The following TBC1D14 variants were observed in gnomAD, a reference collection of about 807,000 sequenced individuals.
TBC1D14 encodes the protein TBC1 domain family, member 14.
TBC1D14 carries 26 observed loss-of-function variants against 79.0 expected under a neutral mutation model. The observed-to-expected ratio is 0.33, with a 90% CI of 0.24 to 0.46. The LOEUF is 0.46. TBC1D14 is among the 20% of genes least tolerant of loss of function. TBC1D14 has a pLI of 1.00. For missense variants in TBC1D14, 769 were observed against 887.6 expected (o/e 0.87, Z 1.70); for synonymous variants, 394 against 349.9 (o/e 1.13, Z -1.40).
upstream of TBC1D14, chr4:6,909,761 GGCGGGCGA>G (rs1345644130): frequency 6.8e-6 from 1 of 148,116 alleles, no homozygotes; most frequent in Non-Finnish European, 1.5e-5. Flanking sequence ...GTGCCCAGGG[GGCGGGCGA>G]GGGGGCGGGG....
chr4:6,936,741 CT>C (rs1251285385), intron 2 of TBC1D14, among the ~76,000 whole-genome samples: 1 of 152,214 alleles, frequency 6.6e-6, no homozygotes, highest in Non-Finnish European at 1.5e-5. Flanking sequence ...TTGACTCCCC[CT>C]AGCAATGAAT....
intron 2 of TBC1D14, among the ~76,000 whole-genome samples, chr4:6,958,976 C>T (rs1424256649): frequency 2.6e-5 from 4 of 151,884 alleles, no homozygotes; most frequent in Non-Finnish European, 4.4e-5. Flanking sequence ...CTCCGCCTCC[C>T]GGGTTCACGC....
chr4:6,961,623 G>A (rs1019518701), intron 2 of TBC1D14, among the ~76,000 whole-genome samples: 6 of 152,164 alleles, frequency 3.9e-5, no homozygotes, highest in Admixed American at 2.6e-4. Flanking sequence ...GAGCCACGAC[G>A]CCATTGCCAC....
chr4:6,961,431 GC>G (rs11288116), intron 2 of TBC1D14, among the ~76,000 whole-genome samples: 1,847 of 152,276 alleles, frequency 0.012, 32 homozygotes, highest in African/African-American at 0.042. Context: ...AGCTGGCCCT[GC>G]TGAGGAGTTG....
chr4:7,015,576 G>A (rs1721200157), intron 12 of TBC1D14, among the ~76,000 whole-genome samples: 1 of 152,164 alleles, frequency 6.6e-6, no homozygotes, highest in South Asian at 2.1e-4. Flanking sequence ...TGTGGTGAAA[G>A]GGGTTGCTGA....
Position 7,030,618 on chromosome 4 carries a change from GC to G in TBC1D14, c.*228del. ...GAAGGATGAGCTGCTGCGGACCACA[GC>G]CAGCCACTGCATCTGCTGCACAGTT... is the stretch of plus-strand genomic sequence containing the variant. On this transcript the variant is annotated 3_prime_UTR_variant, in exon 14 of 14. Coordinates refer to ENST00000409757, the MANE Select transcript of TBC1D14 (RefSeq NM_020773.3). 2.1e-6 allele frequency: 1 copy of G among 465,858 alleles called. No individual in the cohort carries two copies. Among genetic ancestry groups the G allele is most frequent in the South Asian group, 2.3e-5 (1 of 43,592 alleles). 28.9% of individuals were successfully genotyped at this position (465,858 alleles called of 1,614,324 possible).
chr4:6,961,980 G>A (rs990002485), intron 2 of TBC1D14, among the ~76,000 whole-genome samples: 1 of 152,188 alleles, frequency 6.6e-6, no homozygotes, highest in Non-Finnish European at 1.5e-5. Flanking sequence ...AAAGCGTCTC[G>A]CTCTGGCCTC....
At chr4:6,987,422 T>C in intron 3 of TBC1D14, 1 of 1,279,548 alleles carries the variant, frequency 7.8e-7, no homozygotes, top group Non-Finnish European at 1.0e-6. Context: ...TGTCCTGTCC[T>C]GGGCCTGCCA....
At chr4:6,983,585 G>C (rs1385024305) in intron 3 of TBC1D14, among the ~76,000 whole-genome samples, 3 of 152,126 alleles carry the variant, frequency 2.0e-5, no homozygotes, top group African/African-American at 7.3e-5. Flanking sequence ...AGGTCTATCA[G>C]GAGATTATCC....
At chr4:6,987,802 C>T (rs1376871993) in intron 3 of TBC1D14, among the ~76,000 whole-genome samples, 1 of 152,214 alleles carries the variant, frequency 6.6e-6, no homozygotes, top group Non-Finnish European at 1.5e-5. Flanking sequence ...CAGGTTGCAA[C>T]AGCAACCGGG....
intron 12 of TBC1D14, among the ~76,000 whole-genome samples, chr4:7,023,971 C>G (rs1431181824): frequency 6.6e-6 from 1 of 152,194 alleles, no homozygotes; most frequent in Non-Finnish European, 1.5e-5. Flanking sequence ...TTAGAAGGTT[C>G]TGATGAGGGA....
Position 7,001,244 on chromosome 4 carries a change from C to A in TBC1D14, c.1263C>A (p.Ile421=). The A allele has an allele frequency of 6.2e-7, 1 of 1,613,762 alleles. No homozygotes were observed. Among genetic ancestry groups the A allele is most frequent in the Non-Finnish European group, 8.5e-7 (1 of 1,179,820 alleles). The change falls in exon 7 of 14, where the codon ATC becomes ATA. Residue 421 remains isoleucine (I), a synonymous_variant. Coordinates refer to ENST00000409757, the MANE Select transcript of TBC1D14 (RefSeq NM_020773.3). ...TAGCCATTGGCAACGAGTTAAATATCACCCACGGTGAGTGGCCTGCATGAT... is the reference window on the plus strand; with the variant it reads ...TAGCCATTGGCAACGAGTTAAATATAACCCACGGTGAGTGGCCTGCATGAT... ...WSLAIGNELN[I]THELFDICLA...
intron 6 of TBC1D14, among the ~76,000 whole-genome samples, chr4:6,999,511 C>T (rs1268630476): frequency 6.6e-6 from 1 of 152,134 alleles, no homozygotes; most frequent in Non-Finnish European, 1.5e-5. Flanking sequence ...ACAGTTTGAA[C>T]CCTTAGCAGG....
Position 6,993,780 on chromosome 4 carries a change from C to T in TBC1D14, c.844-404C>T, listed in dbSNP as rs576479145. Among the ~76,000 whole-genome samples the T allele has an allele frequency of 2.6e-5, 4 of 152,278 alleles. No individual in the cohort carries two copies. In the East Asian group the frequency reaches 5.8e-4, roughly 22 times the overall value. ...ATGTCAGCACTTTGGGAGGCTGAAGCGGGTGGATCACCTGAGGTCAGGAGT... is the reference window on the plus strand; with the variant it reads ...ATGTCAGCACTTTGGGAGGCTGAAGTGGGTGGATCACCTGAGGTCAGGAGT... On this transcript the variant is annotated intron_variant, in intron 3 of 13. Transcript: ENST00000409757.
intron 1 of TBC1D14, among the ~76,000 whole-genome samples, chr4:6,913,000 T>A (rs1723127617): frequency 6.6e-6 from 1 of 152,210 alleles, no homozygotes; most frequent in Middle Eastern, 3.2e-3. Flanking sequence ...TTCTATTCTA[T>A]TCTATTTTTT....
intron 3 of TBC1D14, among the ~76,000 whole-genome samples, chr4:6,978,749 AAAAAAAAG>A (rs1206743372): frequency 6.6e-6 from 1 of 151,652 alleles, no homozygotes; most frequent in Non-Finnish European, 1.5e-5. Context: ...AAAAAAAAAA[AAAAAAAAG>A]AAAAGAAAAT....
chr4:6,946,600 C>T (rs1034996289), intron 2 of TBC1D14, among the ~76,000 whole-genome samples: 3 of 152,134 alleles, frequency 2.0e-5, no homozygotes, highest in Non-Finnish European at 2.9e-5. Context: ...GGATTACAGG[C>T]GTGAACCACC....
In TBC1D14 at chr4:6,971,493, T is replaced by C. The variant is rs747682061; in HGVS notation, c.843+4069T>C. 2.6e-5 allele frequency among the ~76,000 whole-genome samples: 4 copies of C among 152,152 alleles called. 1 individual carries two copies. The highest frequency in any genetic ancestry group is 3.8e-4 in the East Asian group (2 of 5,206). On this transcript the variant is annotated intron_variant, in intron 3 of 13. Coordinates refer to ENST00000409757, the MANE Select transcript of TBC1D14 (RefSeq NM_020773.3). ...TATATATTACTATTTTGGGGAAATA[T>C]TGAAATGTTAACTTTTAGTTATCTT...
chr4:6,933,786 T>C lies in TBC1D14; in HGVS notation c.722+9675T>C, dbSNP rs531933576. On this transcript the variant is annotated intron_variant, in intron 2 of 13. Transcript: ENST00000409757. ...TGATTTCATTGAGTCCTAAACAGAA[T>C]GCCCTGAGGTGCTGTACTGAGAGGA... Among the ~76,000 whole-genome samples, 20 of 152,254 alleles carry C rather than the reference T, an allele frequency of 1.3e-4. No individual in the cohort carries two copies. The South Asian group carries it at 3.9e-3, about 30-fold the overall frequency.
Sources: allele counts gnomAD v4.1 joint callset (sites outside exome capture counted in the v4.1 genomes callset), GRCh38; gene constraint gnomAD v4.1.1; transcripts MANE v1.5; gene names NCBI Gene and HGNC (gene_info 2026-07-23, HGNC 2026-07-21).